ODAD2: variants seen among roughly 807,000 people sequenced by gnomAD.
The protein encoded by ODAD2 is outer dynein arm docking complex subunit 2.
In ODAD2, 89 loss-of-function variants were observed where a neutral mutation model predicts 106.8. The observed-to-expected ratio is 0.83, with a 90% CI of 0.70 to 0.99. ODAD2 has a LOEUF of 0.99. Ranked by LOEUF, ODAD2 falls within the 50% of genes least tolerant of loss-of-function variation. The probability of loss-of-function intolerance (pLI) is 0.00; values close to 1 mark genes in which losing one functional copy is unlikely to be tolerated. For missense variants in ODAD2, 1,168 were observed against 1,238.5 expected (o/e 0.94, Z 0.85); for synonymous variants, 404 against 436.2 (o/e 0.93, Z 0.92).
At chr10:27,932,670 A>G (rs1845695506) in intron 16 of ODAD2, among the ~76,000 whole-genome samples, 1 of 152,140 alleles carries the variant, frequency 6.6e-6, no homozygotes, top group East Asian at 1.9e-4. Flanking sequence ...CCTCCTTCTC[A>G]GTTTTTAGGT....
intron 19 of ODAD2, among the ~76,000 whole-genome samples, chr10:27,858,949 G>A (rs1839851346): frequency 6.6e-6 from 1 of 151,872 alleles, no homozygotes; most frequent in Admixed American, 6.6e-5. Context: ...GACTACAGGT[G>A]CATGCCTATA....
intron 7 of ODAD2, among the ~76,000 whole-genome samples, chr10:27,971,568 C>A (rs1387932305): frequency 1.3e-5 from 2 of 152,076 alleles, no homozygotes; most frequent in African/African-American, 4.8e-5. Flanking sequence ...CCTGCTCATT[C>A]CTCACCACCA....
At chr10:27,884,291 A>C (rs1841932009) in intron 17 of ODAD2, among the ~76,000 whole-genome samples, 1 of 152,196 alleles carries the variant, frequency 6.6e-6, no homozygotes, top group Non-Finnish European at 1.5e-5. Flanking sequence ...TCCTATGGAA[A>C]CATTAAATAA....
intron 17 of ODAD2, among the ~76,000 whole-genome samples, chr10:27,903,852 G>A (rs947012829): frequency 2.0e-5 from 3 of 152,118 alleles, no homozygotes; most frequent in African/African-American, 7.2e-5. Flanking sequence ...TCATTTCCAT[G>A]AGTTCTATGG....
intron 10 of ODAD2, among the ~76,000 whole-genome samples, chr10:27,950,462 G>A (rs1052579013): frequency 5.9e-5 from 9 of 152,158 alleles, no homozygotes; most frequent in Admixed American, 2.0e-4. Context: ...ACTGTTTCCC[G>A]AAGAAAAATA....
At chr10:27,992,814 G>C (rs1471007702) in intron 2 of ODAD2, among the ~76,000 whole-genome samples, 1 of 152,146 alleles carries the variant, frequency 6.6e-6, no homozygotes, top group Non-Finnish European at 1.5e-5. Context: ...ACCTAACTAG[G>C]GGTCAGATGT....
chr10:27,916,288 G>T (rs1844373117), intron 16 of ODAD2, among the ~76,000 whole-genome samples: 1 of 152,138 alleles, frequency 6.6e-6, no homozygotes. Context: ...GGGGTGAAGA[G>T]AACATTTTGG....
chr10:27,819,338 G>T (rs909215020), intron 19 of ODAD2, among the ~76,000 whole-genome samples: 4 of 152,084 alleles, frequency 2.6e-5, no homozygotes, highest in Non-Finnish European at 5.9e-5. Flanking sequence ...GGAGTAGAAA[G>T]ATTATTTTAA....
intron 16 of ODAD2, 90 bp from the exon 17 acceptor site, chr10:27,907,867 C>T: frequency 3.3e-6 from 3 of 915,910 alleles, no homozygotes; most frequent in Non-Finnish European, 5.0e-6. Flanking sequence ...TATTTTTTCT[C>T]CTTTTGATAT....
chr10:27,982,598 C>T (rs1463253342), intron 6 of ODAD2, among the ~76,000 whole-genome samples: 1 of 152,120 alleles, frequency 6.6e-6, no homozygotes, highest in African/African-American at 2.4e-5. Context: ...CACCAAAAGG[C>T]ATGTCAGAAA....
In ODAD2 at chr10:27,835,463, G is replaced by A. The variant is rs111699585; in HGVS notation, c.3022-22838C>T. 2.4e-3 allele frequency among the ~76,000 whole-genome samples: 367 copies of A among 152,240 alleles called. 2 individuals are homozygous for A. Among genetic ancestry groups the A allele is most frequent in the African/African-American group, 8.4e-3 (348 of 41,542 alleles). On this transcript the variant is annotated intron_variant, in intron 19 of 19. Coordinates refer to ENST00000305242, the MANE Select transcript of ODAD2 (RefSeq NM_018076.5). ...CAGATACACCCACTGTGAGGCAGGT[G>A]TGTTCTCTCTCTCTCTGTACAGTTG...
At chr10:27,882,139 G>A (rs1371449493) in intron 17 of ODAD2, among the ~76,000 whole-genome samples, 1 of 150,124 alleles carries the variant, frequency 6.7e-6, no homozygotes, top group Non-Finnish European at 1.5e-5. Context: ...TAGCACTCCA[G>A]CCTGGGTGAC....
intron 10 of ODAD2, 51 bp downstream of exon 10, chr10:27,961,517 G>C: frequency 6.6e-7 from 1 of 1,508,564 alleles, no homozygotes; most frequent in Non-Finnish European, 9.0e-7. Flanking sequence ...ACATCTTTGG[G>C]AAAGTATTTT....
chr10:27,865,661 G>A (rs1019745559), intron 17 of ODAD2, among the ~76,000 whole-genome samples: 17 of 152,162 alleles, frequency 1.1e-4, no homozygotes, highest in African/African-American at 4.1e-4. Flanking sequence ...TGAATGCCTG[G>A]TACCTATGCC....
intron 17 of ODAD2, among the ~76,000 whole-genome samples, chr10:27,884,964 CTG>C (rs772927846): frequency 6.6e-6 from 1 of 152,062 alleles, no homozygotes; most frequent in Non-Finnish European, 1.5e-5. Flanking sequence ...TCTGCAAAAA[CTG>C]AGAGAAGTGG....
chr10:27,920,809 T>C (rs2133959089), intron 16 of ODAD2, among the ~76,000 whole-genome samples: 1 of 152,120 alleles, frequency 6.6e-6, no homozygotes, highest in East Asian at 1.9e-4. Flanking sequence ...CAAGCATAGC[T>C]TTACTTTTTT....
At chr10:27,890,081 G>A (rs1332840903) in intron 17 of ODAD2, among the ~76,000 whole-genome samples, 2 of 152,162 alleles carry the variant, frequency 1.3e-5, no homozygotes, top group African/African-American at 4.8e-5. Flanking sequence ...AATGGAGCAA[G>A]TACAATGATA....
chr10:27,902,565 A>T (rs1843289695), intron 17 of ODAD2, among the ~76,000 whole-genome samples: 1 of 152,176 alleles, frequency 6.6e-6, no homozygotes, highest in Non-Finnish European at 1.5e-5. Flanking sequence ...ACTAATAAAA[A>T]AGAAAAGAGA....
chr10:27,862,546 T>C lies in ODAD2; in HGVS notation c.2687A>G (p.Glu896Gly). ...IVNLLKSDNK[E>G]VLASVCAAIT... Reference sequence around the variant, plus strand: ...GGCAGCACATACACTTGCCAGAACTTCTTTGTTATCTGATTTCAGTAAATT... The same window carrying C: ...GGCAGCACATACACTTGCCAGAACTCCTTTGTTATCTGATTTCAGTAAATT... Residue 896 changes from glutamate (E) to glycine (G), a missense_variant, in exon 18 of 20, where the codon GAA (glutamate) becomes GGA (glycine). Glu to Gly is a moderately conservative substitution (Grantham distance 98, BLOSUM62 -2). Coordinates refer to ENST00000305242, the MANE Select transcript of ODAD2 (RefSeq NM_018076.5). 6.2e-7 allele frequency: 1 copy of C among 1,611,314 alleles called. No individual in the cohort carries two copies. The highest frequency in any genetic ancestry group is 8.5e-7 in the Non-Finnish European group (1 of 1,178,780).
Sources: allele counts gnomAD v4.1 joint callset (sites outside exome capture counted in the v4.1 genomes callset), GRCh38; gene constraint gnomAD v4.1.1; transcripts MANE v1.5; gene names NCBI Gene and HGNC (gene_info 2026-07-23, HGNC 2026-07-21).